CALML6: variants seen among roughly 807,000 people sequenced by gnomAD.
CALML6 encodes the protein calmodulin-like protein 6.
In CALML6, 27 loss-of-function variants were observed where a neutral mutation model predicts 25.0. The observed-to-expected ratio is 1.08, with a 90% CI of 0.80 to 1.49. The LOEUF is 1.49. Ranked by LOEUF, CALML6 falls within the 40% of genes most tolerant of loss-of-function variation. CALML6 has a pLI of 0.00. For synonymous variants in CALML6, 97 were observed against 87.2 expected, an observed-to-expected ratio of 1.11 and a Z score of -0.63; for missense variants, 239 against 232.7, an observed-to-expected ratio of 1.03 and a Z score of -0.18.
At chr1:1,916,331 C>T in intron 2 of CALML6, 110 bp from the exon 3 acceptor site, 1 of 1,052,884 alleles carries the variant, frequency 9.5e-7, no homozygotes, top group East Asian at 2.6e-5. Flanking sequence ...TTACCACTCA[C>T]CTTGAAAGGC....
chr1:1,916,960 G>C lies in CALML6; in HGVS notation c.399-14G>C, dbSNP rs201599990. ...GGCAGGGCCGATGGAGTGGCTCAGC[G>C]CCAGGCCCCGTAGGTACGTGCTAAT... On this transcript the variant is annotated splice_polypyrimidine_tract_variant and intron_variant, in intron 4 of 5. Transcript: ENST00000307786. 3.1e-6 allele frequency: 5 copies of C among 1,611,182 alleles called. No individual in the cohort carries two copies. The East Asian group carries it at 8.9e-5, about 29-fold the overall frequency.
At chr1:1,915,644 A>G (rs372441794) in intron 1 of CALML6, 41 bp from the exon 2 acceptor site, 34 of 1,607,630 alleles carry the variant, frequency 2.1e-5, no homozygotes, top group African/African-American at 2.7e-5. Flanking sequence ...AGGCCCAGCT[A>G]AAACTCAGCT....
chr1:1,916,858 C>G lies in CALML6; in HGVS notation c.360C>G (p.Asp120Glu). Residue 120 changes from aspartate (D) to glutamate (E), a missense_variant, in exon 4 of 6, where the codon GAC (aspartate) becomes GAG (glutamate). Asp to Glu is a conservative substitution (Grantham distance 45). Around this residue, in one of 2 missense-constraint regions of CALML6, gnomAD observed 231 missense variants for 210.9 expected, o/e 1.10. Transcript: ENST00000307786. ...SELRAAFRVF[D>E]KEGKGYIDWN... ...TGAGGGCGGCATTCCGTGTCTTTGA[C>G]AAAGAGGGCAAGGGCTACATTGACT... 1 of 1,422,914 alleles carries G rather than the reference C, an allele frequency of 7.0e-7. No homozygotes were observed. 88.1% of individuals were successfully genotyped at this position (1,422,914 alleles called of 1,614,324 possible). A position where few individuals can be genotyped will look rare whatever the true frequency, so the allele number is the denominator to read the frequency against.
Position 1,916,503 on chromosome 1 carries a change from A to C in CALML6, c.141A>C (p.Glu47Asp). 1 of 1,599,046 alleles carries C rather than the reference A, an allele frequency of 6.3e-7. No homozygotes were observed. Among genetic ancestry groups the C allele is most frequent in the Non-Finnish European group, 8.5e-7 (1 of 1,172,948 alleles). The change falls in exon 3 of 6, where the codon GAA becomes GAC. Residue 47 changes from glutamate to aspartate, a missense_variant. By Grantham distance (45) the Glu-to-Asp change is conservative (BLOSUM62 2). Coordinates refer to ENST00000307786, the MANE Select transcript of CALML6 (RefSeq NM_138705.4). ...AGGGAGTCTTTGAGATGTTCGACGA[A>C]GAGGGCAACGGGGAGGTGAAGACGG... ...EYKGVFEMFD[E>D]EGNGEVKTGE...
rs563434937 is a variant in CALML6 at position 1,916,525 on chromosome 1, A to G, written c.163A>G (p.Thr55Ala). Reference protein sequence around the residue: ...FDEEGNGEVKTGELEWLMSLL... With the variant: ...FDEEGNGEVKAGELEWLMSLL... ...CGAAGAGGGCAACGGGGAGGTGAAG[A>G]CGGGGGAGCTGGAGTGGCTCATGAG... The change falls in exon 3 of 6, where the codon ACG (threonine) becomes GCG (alanine). Residue 55 changes from threonine (T) to alanine (A), a missense_variant. Thr to Ala is a moderately conservative substitution (Grantham distance 58, BLOSUM62 0). Around this residue, in one of 2 missense-constraint regions of CALML6, gnomAD observed 231 missense variants for 210.9 expected, o/e 1.10. Coordinates refer to ENST00000307786, the MANE Select transcript of CALML6 (RefSeq NM_138705.4). 1.9e-6 allele frequency: 3 copies of G among 1,609,764 alleles called. No homozygotes were observed. The highest frequency in any genetic ancestry group is 2.5e-6 in the Non-Finnish European group (3 of 1,178,188).
rs760226255 is a variant in CALML6, at chr1:1,917,148, G to A, written c.501G>A (p.Glu167=). 10 of 1,608,666 alleles carry A rather than the reference G, an allele frequency of 6.2e-6. No individual in the cohort carries two copies. The East Asian group carries it at 1.3e-4, about 22-fold the overall frequency. Residue 167 remains glutamate, a splice_region_variant and synonymous_variant, in exon 6 of 6, where the codon GAG becomes GAA. Coordinates refer to ENST00000307786, the MANE Select transcript of CALML6 (RefSeq NM_138705.4). ...GCTGACCTGCCCCTCTGTTCCCAGA[G>A]TTTGTGGCCATGATGACGGGGGAGT... The part of the protein sequence containing the change: ...KDGDRTIDYE[E]FVAMMTGESF...
chr1:1,917,007 C>G lies in CALML6; in HGVS notation c.432C>G (p.Asn144Lys). ...TAATGAACGCAGGGGAGCCCCTCAA[C>G]GAGGTGGAGGCGGAGCAGATGATGA... ...YVLMNAGEPL[N>K]EVEAEQMMKE... The change falls in exon 5 of 6, where the codon AAC (asparagine) becomes AAG (lysine). Residue 144 changes from asparagine to lysine, a missense_variant. Asn to Lys is a moderately conservative substitution (Grantham distance 94, BLOSUM62 0). Around this residue, in one of 2 missense-constraint regions of CALML6, gnomAD observed 231 missense variants for 210.9 expected, o/e 1.10. Coordinates refer to ENST00000307786, the MANE Select transcript of CALML6 (RefSeq NM_138705.4). 1.2e-6 allele frequency: 2 copies of G among 1,609,718 alleles called. No individual in the cohort carries two copies. The highest frequency in any genetic ancestry group is 1.7e-6 in the Non-Finnish European group (2 of 1,177,394).
rs2247560 is a variant in CALML6 at position 1,915,326 on chromosome 1, G to A, written c.27+19G>A. On this transcript the variant is annotated intron_variant, in intron 1 of 5. Coordinates refer to ENST00000307786, the MANE Select transcript of CALML6 (RefSeq NM_138705.4). ...CTCACTGGTAAGTGATGACAGCATG[G>A]GACCAGGGTCCCATGAAGACCTGCT... The A allele has an allele frequency of 0.47, 734,176 of 1,551,728 alleles. 180,840 individuals are homozygous for A. Among genetic ancestry groups the A allele is most frequent in the Admixed American group, 0.54 (27,799 of 51,224 alleles).
chr1:1,915,965 G>C (rs1257218927), intron 2 of CALML6: 1 of 592,206 alleles, frequency 1.7e-6, no homozygotes, highest in Non-Finnish European at 3.1e-6. Context: ...TGGCAGGCAG[G>C]TGTGGCCCGG....
intron 3 of CALML6, 60 bp from the exon 4 acceptor site, chr1:1,916,692 G>A: frequency 6.2e-7 from 1 of 1,610,622 alleles, no homozygotes. Context: ...GGGGGGAAGA[G>A]GCAAAGCCCA....
Position 1,916,892 on chromosome 1 carries a change from C to G in CALML6, c.394C>G (p.Leu132Val). Residue 132 changes from leucine (L) to valine (V), a missense_variant, in exon 4 of 6, where the codon CTC (leucine) becomes GTC (valine). Leu to Val is a conservative substitution (Grantham distance 32). Coordinates refer to ENST00000307786, the MANE Select transcript of CALML6 (RefSeq NM_138705.4). Reference sequence around the variant, plus strand: ...CAAGGGCTACATTGACTGGAACACACTCAAGTAGGGCCCGGGTTGGGGGCG... The same window carrying G: ...CAAGGGCTACATTGACTGGAACACAGTCAAGTAGGGCCCGGGTTGGGGGCG... ...EGKGYIDWNT[L>V]KYVLMNAGEP... 6.7e-7 allele frequency: 1 copy of G among 1,503,678 alleles called. No individual in the cohort carries two copies. The highest frequency in any genetic ancestry group is 2.4e-5 in the East Asian group (1 of 41,676). 93.1% of individuals were successfully genotyped at this position (1,503,678 alleles called of 1,614,324 possible). A position where few individuals can be genotyped will look rare whatever the true frequency, so the allele number is the denominator to read the frequency against.
At chr1:1,916,270 G>T in intron 2 of CALML6, 171 bp from the exon 3 acceptor site, 1 of 595,058 alleles carries the variant, frequency 1.7e-6, no homozygotes, top group African/African-American at 1.8e-5. Flanking sequence ...CAAACCCCTG[G>T]CGTGTGACCC....
chr1:1,916,930 G>GGGGGC, intron 4 of CALML6, 34 bp downstream of exon 4: 23 of 664,832 alleles, frequency 3.5e-5, no homozygotes, highest in Non-Finnish European at 5.3e-5. Flanking sequence ...TGGTGGGCGG[G>GGGGGC]CACGGGCAGG....
rs1651136265 is a variant in CALML6 at position 1,916,787 on chromosome 1, C to G, written c.289C>G (p.Leu97Val). Reference protein sequence around the residue: ...GFFNCDGFLALMGVYHEKAQN... With the variant: ...GFFNCDGFLAVMGVYHEKAQN... ...CTTCAACTGCGATGGTTTCCTGGCA[C>G]TAATGGGAGTTTACCATGAGAAGGC... The change falls in exon 4 of 6, where the codon CTA (leucine) becomes GTA (valine). Residue 97 changes from leucine (L) to valine (V), a missense_variant. Physicochemically the swap from Leu to Val is conservative, Grantham distance 32. Transcript: ENST00000307786. 1 of 1,613,590 alleles carries G rather than the reference C, an allele frequency of 6.2e-7. No individual in the cohort carries two copies. The highest frequency in any genetic ancestry group is 8.5e-7 in the Non-Finnish European group (1 of 1,180,016).
chr1:1,916,282 T>G (rs1039960298), intron 2 of CALML6, 159 bp from the exon 3 acceptor site: 1 of 647,356 alleles, frequency 1.5e-6, no homozygotes, highest in African/African-American at 1.8e-5. Flanking sequence ...GTGTGACCCC[T>G]TGTCCTGGAA....
At chr1:1,916,368 G>A in intron 2 of CALML6, 73 bp from the exon 3 acceptor site, 1 of 1,349,696 alleles carries the variant, frequency 7.4e-7, no homozygotes, top group Non-Finnish European at 1.0e-6. Flanking sequence ...GGTGCAGGGG[G>A]TACCTCTGAC....
intron 2 of CALML6, 25 bp from the exon 3 acceptor site, chr1:1,916,416 A>T: frequency 6.7e-7 from 1 of 1,492,060 alleles, no homozygotes; most frequent in Non-Finnish European, 9.0e-7. Context: ...GCTCCTGGTC[A>T]GGCCGGTGCG....
In CALML6 at chr1:1,916,983, A is replaced by T. The variant is rs780474840; in HGVS notation, c.408A>T (p.Leu136=). The T allele has an allele frequency of 1.9e-6, 3 of 1,610,640 alleles. No individual in the cohort carries two copies. Among genetic ancestry groups the T allele is most frequent in the Non-Finnish European group, 1.7e-6 (2 of 1,178,182 alleles). ...YIDWNTLKYV[L]MNAGEPLNEV... ...GCGCCAGGCCCCGTAGGTACGTGCT[A>T]ATGAACGCAGGGGAGCCCCTCAACG... The change falls in exon 5 of 6, where the codon CTA becomes CTT. Residue 136 remains leucine (L), a synonymous_variant. Transcript: ENST00000307786.
In CALML6 at chr1:1,917,030, TGAA is replaced by T. The variant is rs774032426; in HGVS notation, c.457_459del (p.Lys153del). 5.6e-6 allele frequency: 9 copies of T among 1,610,142 alleles called. No individual in the cohort carries two copies. Among genetic ancestry groups the T allele is most frequent in the East Asian group, 4.5e-5 (2 of 44,770 alleles). On this transcript the variant is annotated inframe_deletion, in exon 5 of 6. Coordinates refer to ENST00000307786, the MANE Select transcript of CALML6 (RefSeq NM_138705.4). The stretch of plus-strand genomic sequence containing the variant: ...AACGAGGTGGAGGCGGAGCAGATGA[TGAA>T]GGAGGCCGACAAGGATGGGGACAGG...
Sources: gnomAD v4.1 joint callset for allele counts on GRCh38, gnomAD v4.1.1 for gene constraint, gnomAD v4.1.1 regional missense constraint, MANE v1.5 for transcripts, NCBI Gene and HGNC (gene_info 2026-07-23, HGNC 2026-07-21) for gene names.